MORC1: variants seen among roughly 807,000 people sequenced by gnomAD.
MORC1 encodes the protein MORC family CW-type zinc finger protein 1.
A neutral mutation model predicts 134.9 loss-of-function variants in MORC1; 59 were observed. The ratio of observed to expected loss-of-function variants is 0.44; its 90% CI spans 0.35 to 0.54. The LOEUF is 0.54. MORC1 is among the 20% of genes least tolerant of loss of function. The probability of loss-of-function intolerance (pLI) is 0.00; values close to 1 mark genes in which losing one functional copy is unlikely to be tolerated. For missense variants in MORC1, 947 were observed against 1,134.5 expected, an observed-to-expected ratio of 0.83 and a Z score of 2.37; for synonymous variants, 395 against 391.7, an observed-to-expected ratio of 1.01 and a Z score of -0.10.
intron 26 of MORC1, among the ~76,000 whole-genome samples, chr3:108,965,393 T>C (rs1196827843): frequency 1.3e-5 from 2 of 152,174 alleles, no homozygotes; most frequent in Non-Finnish European, 2.9e-5. Flanking sequence ...ATAAAGCAAT[T>C]GTCAAATGAC....
chr3:109,082,492 G>A (rs1950542411), intron 8 of MORC1, among the ~76,000 whole-genome samples: 1 of 151,818 alleles, frequency 6.6e-6, no homozygotes, highest in Admixed American at 6.6e-5. Context: ...CTCGGATAAA[G>A]AATTAAAAAT....
At chr3:109,003,938 T>C (rs1948472412) in intron 20 of MORC1, among the ~76,000 whole-genome samples, 1 of 152,192 alleles carries the variant, frequency 6.6e-6, no homozygotes, top group Non-Finnish European at 1.5e-5. Context: ...TTGCCGAATA[T>C]ATTATAAAGG....
At chr3:109,020,885 G>T (rs1948943064) in intron 17 of MORC1, among the ~76,000 whole-genome samples, 1 of 152,090 alleles carries the variant, frequency 6.6e-6, no homozygotes, top group Non-Finnish European at 1.5e-5. Context: ...GTTGAATCAG[G>T]GGTACAAGAT....
In MORC1 at chr3:108,986,870, T is replaced by TA. The variant is rs754087291; in HGVS notation, c.2257+9_2257+10insT. On this transcript the variant is annotated intron_variant, in intron 22 of 27. Transcript: ENST00000232603. ...AATATATATATATACATGAGCTGAT[T>TA]TTTTTTTACCTTGGTTTAAAAGAGG... is the stretch of plus-strand genomic sequence containing the variant. The TA allele has an allele frequency of 1.2e-5, 19 of 1,541,906 alleles. No homozygotes were observed. The Admixed American group carries it at 1.4e-4, about 12-fold the overall frequency.
intron 2 of MORC1, among the ~76,000 whole-genome samples, chr3:109,113,929 G>A (rs2107809187): frequency 6.6e-6 from 1 of 152,292 alleles, no homozygotes; most frequent in East Asian, 1.9e-4. Flanking sequence ...TCCCATCTCA[G>A]AGTGTAGATA....
intron 3 of MORC1, 90 bp downstream of exon 3, chr3:109,110,659 T>C: frequency 9.2e-7 from 1 of 1,083,372 alleles, no homozygotes; most frequent in Non-Finnish European, 1.3e-6. Flanking sequence ...TTCTATAGAA[T>C]GTGGTTTTAT....
chr3:109,000,080 G>A (rs1205214800), intron 21 of MORC1, among the ~76,000 whole-genome samples: 3 of 152,224 alleles, frequency 2.0e-5, no homozygotes, highest in Admixed American at 1.3e-4. Flanking sequence ...TTAGAAATAC[G>A]AACATATTAT....
At chr3:109,044,506 C>T (rs1406952710) in intron 14 of MORC1, among the ~76,000 whole-genome samples, 4 of 148,776 alleles carry the variant, frequency 2.7e-5, no homozygotes, top group African/African-American at 5.0e-5. Context: ...TGCAGTGAGC[C>T]GATATCACGC....
rs907464602 is a variant in MORC1 at position 109,035,267 on chromosome 3, A to C, written c.1459+73T>G. Reference sequence around the variant, plus strand: ...CTTACCTTTGTCTCCCTCATCCCTCATTTCTTAACACAATGACTTGCATAT... The same window carrying C: ...CTTACCTTTGTCTCCCTCATCCCTCCTTTCTTAACACAATGACTTGCATAT... On this transcript the variant is annotated intron_variant, in intron 15 of 27. Coordinates refer to ENST00000232603, the MANE Select transcript of MORC1 (RefSeq NM_014429.4). The C allele has an allele frequency of 2.9e-6, 4 of 1,388,926 alleles. No homozygotes were observed. In the African/African-American group the frequency reaches 6.0e-5, roughly 21 times the overall value. 86.0% of individuals were successfully genotyped at this position (1,388,926 alleles called of 1,614,324 possible). A position where few individuals can be genotyped will look rare whatever the true frequency, so the allele number is the denominator to read the frequency against.
At position 108,983,404 on chromosome 3, in the gene MORC1, A is replaced by G. The variant is rs534221015; in HGVS notation, c.2324+1312T>C. 4.6e-5 allele frequency among the ~76,000 whole-genome samples: 7 copies of G among 152,332 alleles called. No homozygotes were observed. The East Asian group carries it at 5.8e-4, about 13-fold the overall frequency. On this transcript the variant is annotated intron_variant, in intron 23 of 27. Coordinates refer to ENST00000232603, the MANE Select transcript of MORC1 (RefSeq NM_014429.4). Reference sequence around the variant, plus strand: ...AAAATGGTAAAAAGAAATAGGTGGTAAAGGAGATACTTTAAAATAGTAATA... The same window carrying G: ...AAAATGGTAAAAAGAAATAGGTGGTGAAGGAGATACTTTAAAATAGTAATA...
At chr3:109,078,180 A>C (rs905187111) in intron 8 of MORC1, among the ~76,000 whole-genome samples, 1 of 152,100 alleles carries the variant, frequency 6.6e-6, no homozygotes, top group Admixed American at 6.5e-5. Flanking sequence ...ATGAAGAAGA[A>C]AAAAAGACAT....
At chr3:109,072,362 T>C (rs138336631) in intron 8 of MORC1, among the ~76,000 whole-genome samples, 2,119 of 152,242 alleles carry the variant, frequency 0.014, 93 homozygotes, top group Admixed American at 0.08. Flanking sequence ...GAAACTGCAC[T>C]TCCTTTCGAA....
chr3:108,994,127 A>G (rs2107498608), intron 21 of MORC1, among the ~76,000 whole-genome samples: 1 of 152,270 alleles, frequency 6.6e-6, no homozygotes, highest in East Asian at 1.9e-4. Context: ...AGACAGGAAG[A>G]TGGTTCCATC....
At chr3:109,114,343 T>C (rs1399007139) in intron 2 of MORC1, 41 bp downstream of exon 2, 8 of 1,522,324 alleles carry the variant, frequency 5.3e-6, no homozygotes, top group Admixed American at 1.8e-5. Context: ...AGTTATGTCA[T>C]GAAATTCCCT....
At chr3:109,076,070 T>C (rs1950414208) in intron 8 of MORC1, among the ~76,000 whole-genome samples, 1 of 152,148 alleles carries the variant, frequency 6.6e-6, no homozygotes, top group South Asian at 2.1e-4. Flanking sequence ...GGGGAAATTT[T>C]TGCAATCTAT....
At chr3:109,112,560 C>T (rs887183766) in intron 2 of MORC1, among the ~76,000 whole-genome samples, 10 of 152,178 alleles carry the variant, frequency 6.6e-5, no homozygotes, top group South Asian at 2.1e-4. Flanking sequence ...AGGCTGTCCA[C>T]GGGGGAAAAC....
chr3:109,117,588 G>T (rs1196520254), intron 1 of MORC1, among the ~76,000 whole-genome samples: 2 of 152,124 alleles, frequency 1.3e-5, no homozygotes, highest in African/African-American at 2.4e-5. Context: ...TTACATTTTT[G>T]AAAAGACTCA....
intron 14 of MORC1, among the ~76,000 whole-genome samples, chr3:109,045,992 C>T: frequency 6.6e-6 from 1 of 152,166 alleles, no homozygotes. Context: ...TTAGAACCCC[C>T]ACCCTCAACC....
At chr3:108,986,451 A>G (rs1293176019) in intron 22 of MORC1, among the ~76,000 whole-genome samples, 1 of 152,154 alleles carries the variant, frequency 6.6e-6, no homozygotes, top group African/African-American at 2.4e-5. Flanking sequence ...TGTTTGTTGA[A>G]CTACTTTTAG....
Sources: allele counts gnomAD v4.1 joint callset (sites outside exome capture counted in the v4.1 genomes callset), GRCh38; gene constraint gnomAD v4.1.1; transcripts MANE v1.5; gene names NCBI Gene and HGNC (gene_info 2026-07-23, HGNC 2026-07-21).